UFC1: variants seen among roughly 807,000 people sequenced by gnomAD.
UFC1 encodes ubiquitin-fold modifier-conjugating enzyme 1.
Under a neutral mutation model 28.0 loss-of-function variants are expected in UFC1, and 22 were observed. The observed-to-expected ratio is 0.78, with a 90% CI of 0.56 to 1.12. The LOEUF is 1.12. Among genes scored for constraint, UFC1 ranks in the 50% most tolerant of loss-of-function variants. UFC1 has a pLI of 0.00. For missense variants in UFC1, 189 were observed against 207.8 expected (o/e 0.91, Z 0.56); for synonymous variants, 61 against 74.5 (o/e 0.82, Z 0.93).
At chr1:161,156,248 AG>A (rs1439368936) in intron 1 of UFC1, among the ~76,000 whole-genome samples, 2 of 152,288 alleles carry the variant, frequency 1.3e-5, no homozygotes, top group African/African-American at 4.8e-5. Context: ...AAGAAAAAGT[AG>A]GCTGGGCGTG....
At chr1:161,154,705 G>C (rs889025454) in intron 1 of UFC1, among the ~76,000 whole-genome samples, 1 of 152,056 alleles carries the variant, frequency 6.6e-6, no homozygotes, top group South Asian at 2.1e-4. Context: ...GGATGGTCTC[G>C]ATCCCCTGAC....
In UFC1 at chr1:161,158,637, G is replaced by C; in HGVS notation, c.*145G>C. The C allele has an allele frequency of 1.2e-6, 1 of 802,590 alleles. No homozygotes were observed. Among genetic ancestry groups the C allele is most frequent in the Non-Finnish European group, 2.0e-6 (1 of 487,984 alleles). 49.7% of individuals were successfully genotyped at this position (802,590 alleles called of 1,614,324 possible). ...CTAAGTAGCTGCAGTAGGCATTGCT[G>C]GGGAAGAAACAAACACACACCAAAC... is the stretch of plus-strand genomic sequence containing the variant. On this transcript the variant is annotated 3_prime_UTR_variant, in exon 6 of 6. Coordinates refer to ENST00000368003, the MANE Select transcript of UFC1 (RefSeq NM_016406.4).
At chr1:161,154,190 G>T in intron 1 of UFC1, 70 bp downstream of exon 1, 1 of 1,578,210 alleles carries the variant, frequency 6.3e-7, no homozygotes, top group Non-Finnish European at 8.6e-7. Context: ...TCAATAATAG[G>T]CTCCGTGTGG....
chr1:161,154,440 G>T (rs1571263316), intron 1 of UFC1, among the ~76,000 whole-genome samples: 1 of 152,120 alleles, frequency 6.6e-6, no homozygotes, highest in Admixed American at 6.6e-5. Context: ...AATCCTCAGG[G>T]CGCCAACTCC....
intron 3 of UFC1, 60 bp downstream of exon 3, chr1:161,157,377 G>A (rs1657547103): frequency 1.3e-6 from 2 of 1,592,072 alleles, no homozygotes; most frequent in Admixed American, 1.7e-5. Context: ...TAGATGATGG[G>A]TAACAAGCTA....
chr1:161,155,146 C>T (rs1032195274), intron 1 of UFC1, among the ~76,000 whole-genome samples: 2 of 152,088 alleles, frequency 1.3e-5, no homozygotes, highest in Non-Finnish European at 2.9e-5. Flanking sequence ...AGATATAAAG[C>T]GAGAAATGGC....
At chr1:161,158,062 G>C in intron 4 of UFC1, 59 bp from the exon 5 acceptor site, 1 of 1,424,370 alleles carries the variant, frequency 7.0e-7, no homozygotes, top group Non-Finnish European at 9.9e-7. Flanking sequence ...CCCCCAAGAG[G>C]CTGCTGTGCT....
chr1:161,154,717 T>G (rs1657462143), intron 1 of UFC1, among the ~76,000 whole-genome samples: 1 of 152,172 alleles, frequency 6.6e-6, no homozygotes, highest in Admixed American at 6.5e-5. Context: ...TCCCCTGACC[T>G]CGTGATCCTG....
At chr1:161,157,134 C>T in intron 2 of UFC1, 117 bp downstream of exon 2, 1 of 1,507,206 alleles carries the variant, frequency 6.6e-7, no homozygotes, top group Non-Finnish European at 9.2e-7. Flanking sequence ...TCCACTCCCA[C>T]AGCGCCAGAG....
Position 161,158,540 on chromosome 1 carries a change from A to G in UFC1, c.*48A>G. 6.3e-7 allele frequency: 1 copy of G among 1,598,720 alleles called. No homozygotes were observed. Among genetic ancestry groups the G allele is most frequent in the Non-Finnish European group, 8.6e-7 (1 of 1,166,284 alleles). ...GCAGAGGGACCTTTGATAGGCTACG[A>G]TACTATTTTCCTGTGCATCACACTT... On this transcript the variant is annotated 3_prime_UTR_variant, in exon 6 of 6. Transcript: ENST00000368003.
chr1:161,155,444 T>C (rs572445193), intron 1 of UFC1, among the ~76,000 whole-genome samples: 1 of 152,300 alleles, frequency 6.6e-6, no homozygotes, highest in East Asian at 1.9e-4. Context: ...AGGAGACATA[T>C]TTGAGCACTT....
chr1:161,156,858 TAA>T, intron 1 of UFC1, 90 bp from the exon 2 acceptor site: 1 of 1,154,232 alleles, frequency 8.7e-7, no homozygotes, highest in Non-Finnish European at 1.3e-6. Flanking sequence ...AAATAAAAAA[TAA>T]AAAAAATAAC....
At chr1:161,158,379 T>TA in intron 5 of UFC1, 33 bp from the exon 6 acceptor site, 1 of 1,613,006 alleles carries the variant, frequency 6.2e-7, no homozygotes, top group Non-Finnish European at 8.5e-7. Flanking sequence ...CATTGACTGG[T>TA]AGTAATCTCA....
At position 161,154,539 on chromosome 1, in the gene UFC1, C is replaced by T. The variant is rs143226805; in HGVS notation, c.123+419C>T. On this transcript the variant is annotated intron_variant, in intron 1 of 5. Coordinates refer to ENST00000368003, the MANE Select transcript of UFC1 (RefSeq NM_016406.4). ...CTCGCTCTGTTGCTAGGCTGGAGTGCAGTGGCGCGATCTCGGCTCACTGCA... is the reference window on the plus strand; with the variant it reads ...CTCGCTCTGTTGCTAGGCTGGAGTGTAGTGGCGCGATCTCGGCTCACTGCA... 5.6e-3 allele frequency among the ~76,000 whole-genome samples: 854 copies of T among 152,276 alleles called. 2 individuals are homozygous for T. Among genetic ancestry groups the T allele is most frequent in the Non-Finnish European group, 7.8e-3 (529 of 68,016 alleles).
At chr1:161,157,897 G>T (rs1361426194) in intron 4 of UFC1, 6 of 612,934 alleles carry the variant, frequency 9.8e-6, no homozygotes, top group Admixed American at 6.1e-5. Context: ...GAACTTAAAA[G>T]ATGTAAGGAA....
At chr1:161,155,522 T>G (rs1329420710) in intron 1 of UFC1, among the ~76,000 whole-genome samples, 1 of 152,200 alleles carries the variant, frequency 6.6e-6, no homozygotes, top group African/African-American at 2.4e-5. Context: ...ATGGCCGATT[T>G]GGGTTTAGAT....
chr1:161,155,558 AT>A (rs1392275844), intron 1 of UFC1, among the ~76,000 whole-genome samples: 1 of 152,228 alleles, frequency 6.6e-6, no homozygotes, highest in Non-Finnish European at 1.5e-5. Flanking sequence ...TAAGGGGAAA[AT>A]ACAATTGACA....
intron 2 of UFC1, 37 bp downstream of exon 2, chr1:161,157,054 C>A: frequency 6.2e-7 from 1 of 1,602,360 alleles, no homozygotes; most frequent in Non-Finnish European, 8.5e-7. Flanking sequence ...GGGTGGGAGT[C>A]TTATATGAGT....
Position 161,154,071 on chromosome 1 carries a change from G to GTT in UFC1, c.75_76insTT (p.Glu26LeufsTer8). ...AAGACTAACGCCGGACCCCGAGATC[G>GTT]TGAGTTGTGGGTGCAGCGACTGAAG... On this transcript the variant is annotated frameshift_variant, in exon 1 of 6. Transcript: ENST00000368003. LOFTEE classifies it high-confidence loss of function. 1 of 1,614,094 alleles carries GTT rather than the reference G, an allele frequency of 6.2e-7. No homozygotes were observed. Among genetic ancestry groups the GTT allele is most frequent in the Non-Finnish European group, 8.5e-7 (1 of 1,180,022 alleles).
Sources: gnomAD v4.1 joint callset for allele counts (sites outside exome capture counted in the v4.1 genomes callset) on GRCh38, gnomAD v4.1.1 for gene constraint, MANE v1.5 for transcripts, NCBI Gene and HGNC (gene_info 2026-07-23, HGNC 2026-07-21) for gene names.